The following TNC variants were observed in gnomAD, a reference collection of about 807,000 sequenced individuals.
TNC encodes tenascin C, also known as tenascin.
A neutral mutation model predicts 202.4 loss-of-function variants in TNC; 109 were observed. The ratio of observed to expected loss-of-function variants is 0.54; its 90% CI spans 0.46 to 0.63. The LOEUF is 0.63. TNC is among the 30% of genes least tolerant of loss of function. TNC has a pLI of 0.00. For synonymous variants in TNC, 1,007 were observed against 1,089.7 expected (o/e 0.92, Z 1.50); for missense variants, 2,756 against 2,833.3 (o/e 0.97, Z 0.62).
At chr9:115,091,260 C>T (rs1383551248) in intron 1 of TNC, 106 bp from the exon 2 acceptor site, 4 of 505,818 alleles carry the variant, frequency 7.9e-6, no homozygotes, top group Non-Finnish European at 1.4e-5. Flanking sequence ...ATTTGAAGCT[C>T]TCCTGATAAT....
In TNC at chr9:115,019,789, C is replaced by T. The variant is rs1171938898; in HGVS notation, c.*1368G>A. ...GAAATGAGAAGTATGAGTGTCCCTA[C>T]TTTACAGAAGAGGAAACTGAGGCAT... On this transcript the variant is annotated 3_prime_UTR_variant, in exon 28 of 28. Transcript: ENST00000350763. 6.6e-6 allele frequency: 1 copy of T among 152,202 alleles called. No individual in the cohort carries two copies. Among genetic ancestry groups the T allele is most frequent in the African/African-American group, 2.4e-5 (1 of 41,434 alleles). The allele number at this position is 152,202 out of a possible 1,614,324, so 9.4% of individuals were successfully genotyped here.
Position 115,059,739 on chromosome 9 carries a change from C to G in TNC, c.4297G>C (p.Ala1433Pro). The G allele has an allele frequency of 3.7e-6, 6 of 1,600,262 alleles. No homozygotes were observed. The highest frequency in any genetic ancestry group is 4.3e-6 in the Non-Finnish European group (5 of 1,171,440). ...CAGGGAGAGGAAGTACCTGTGGAGG[C>G]CTCAGCAGAGAGTACTGGTGTTCTA... is the stretch of plus-strand genomic sequence containing the variant. ...GYRTPVLSAE[A>P]STAKEPEIGN... is the part of the protein sequence containing the mutation. Residue 1433 changes from alanine to proline, a missense_variant, in exon 14 of 28, where the codon GCC (alanine) becomes CCC (proline). Physicochemically the swap from Ala to Pro is conservative, Grantham distance 27. Coordinates refer to ENST00000350763, the MANE Select transcript of TNC (RefSeq NM_002160.4).
Position 115,086,837 on chromosome 9 carries a change from C to A in TNC, c.894G>T (p.Glu298Asp), listed in dbSNP as rs1271970944. The A allele has an allele frequency of 6.2e-7, 1 of 1,614,092 alleles. No individual in the cohort carries two copies. The highest frequency in any genetic ancestry group is 1.3e-5 in the African/African-American group (1 of 74,934). Residue 298 changes from glutamate (E) to aspartate (D), a missense_variant, in exon 3 of 28, where the codon GAG becomes GAT. By Grantham distance (45) the Glu-to-Asp change is conservative (BLOSUM62 2). This residue lies in a region of TNC where 2,559 missense variants were observed against 2,546.0 expected (regional missense o/e 1.01). Coordinates refer to ENST00000350763, the MANE Select transcript of TNC (RefSeq NM_002160.4). ...CCGTGAAACCCTCATCACACACGCA[C>A]TCATTCTCCACGCATCGTCCACGGT... The part of the protein sequence containing the change: ...CYNRGRCVEN[E>D]CVCDEGFTGE...
At chr9:115,115,200 G>C (rs1318097950) in intron 1 of TNC, 1 of 152,278 alleles carries the variant, frequency 6.6e-6, no homozygotes, top group East Asian at 1.9e-4. Flanking sequence ...CTGTCAGCTT[G>C]AATTCTCTTT....
intron 10 of TNC, among the ~76,000 whole-genome samples, chr9:115,066,331 C>T (rs1487582425): frequency 1.3e-5 from 2 of 152,194 alleles, no homozygotes; most frequent in Non-Finnish European, 2.9e-5. Context: ...ATCCTGTAAA[C>T]TAGAGAGTAG....
intron 13 of TNC, among the ~76,000 whole-genome samples, chr9:115,061,867 T>C (rs1188456671): frequency 6.6e-6 from 1 of 152,232 alleles, no homozygotes; most frequent in East Asian, 1.9e-4. Flanking sequence ...GGAATTGTTT[T>C]TCCTTCCCAA....
At position 115,086,235 on chromosome 9, in the gene TNC, C is replaced by A. The variant is rs748790119; in HGVS notation, c.1496G>T (p.Arg499Leu). 5.6e-6 allele frequency: 9 copies of A among 1,614,054 alleles called. No homozygotes were observed. Among genetic ancestry groups the A allele is most frequent in the African/African-American group, 4.0e-5 (3 of 74,942 alleles). Residue 499 changes from arginine (R) to leucine (L), a missense_variant, in exon 3 of 28, where the codon CGC (arginine) becomes CTC (leucine). Transcript: ENST00000350763. ...DGYTGEDCRD[R>L]QCPRDCSNRG... ...GTTGCTGCAGTCCCTGGGGCATTGG[C>A]GATCCCGGCAGTCTTCCCCTGTGTA...
intron 5 of TNC, 110 bp downstream of exon 5, chr9:115,082,582 G>A: frequency 5.7e-6 from 4 of 703,092 alleles, no homozygotes; most frequent in Non-Finnish European, 9.8e-6. Context: ...TGAGAGCCTT[G>A]TCCTCCACCA....
chr9:115,075,103 C>A (rs1275790293), intron 9 of TNC, among the ~76,000 whole-genome samples: 3 of 152,106 alleles, frequency 2.0e-5, no homozygotes, highest in Non-Finnish European at 2.9e-5. Flanking sequence ...TACACACTAG[C>A]CTCCTTCTTC....
At chr9:115,093,368 T>C (rs1300923477) in intron 1 of TNC, among the ~76,000 whole-genome samples, 1 of 152,216 alleles carries the variant, frequency 6.6e-6, no homozygotes, top group African/African-American at 2.4e-5. Context: ...AACCCTCTTT[T>C]GAGCATGCTT....
Position 115,073,593 on chromosome 9 carries a change from G to A in TNC, c.3214+10C>T. 6.2e-7 allele frequency: 1 copy of A among 1,610,006 alleles called. No homozygotes were observed. On this transcript the variant is annotated intron_variant, in intron 10 of 27. Coordinates refer to ENST00000350763, the MANE Select transcript of TNC (RefSeq NM_002160.4). ...ACCTAGAGTTTGGAGGAAGCTCAGG[G>A]CAGACTCACCAGTGGATGCCTTCAC...
chr9:115,045,795 A>G, intron 17 of TNC, among the ~76,000 whole-genome samples: 1 of 152,046 alleles, frequency 6.6e-6, no homozygotes, highest in East Asian at 1.9e-4. Context: ...TGTTATGAGT[A>G]TCAAAGTTAG....
At chr9:115,041,309 C>CGGGG (rs958971198) in intron 18 of TNC, among the ~76,000 whole-genome samples, 1 of 132,302 alleles carries the variant, frequency 7.6e-6, no homozygotes, top group Non-Finnish European at 1.6e-5. Flanking sequence ...CCAGGAGGGG[C>CGGGG]GGGGGAAAAC....
At chr9:115,092,643 G>A (rs925400947) in intron 1 of TNC, among the ~76,000 whole-genome samples, 2 of 151,972 alleles carry the variant, frequency 1.3e-5, no homozygotes, top group Non-Finnish European at 2.9e-5. Context: ...GCATGATCTT[G>A]ACTCTCTGCA....
intron 1 of TNC, among the ~76,000 whole-genome samples, chr9:115,110,069 CAT>C (rs1836923336): frequency 6.6e-6 from 1 of 152,066 alleles, no homozygotes; most frequent in Admixed American, 6.5e-5. Context: ...AAAAAAGAAA[CAT>C]AGGTAGAATG....
At chr9:115,052,258 A>G (rs1379113664) in intron 15 of TNC, among the ~76,000 whole-genome samples, 1 of 151,992 alleles carries the variant, frequency 6.6e-6, no homozygotes, top group African/African-American at 2.4e-5. Context: ...AGAAAGCTGA[A>G]CACATAGAAG....
intron 10 of TNC, among the ~76,000 whole-genome samples, chr9:115,068,985 C>T (rs1447814629): frequency 6.6e-6 from 1 of 152,220 alleles, no homozygotes; most frequent in Non-Finnish European, 1.5e-5. Flanking sequence ...TTTTGGTTCT[C>T]TCTCTTATAG....
At position 115,087,213 on chromosome 9, in the gene TNC, C is replaced by T; in HGVS notation, c.518G>A (p.Gly173Asp). ...TTTCCAGCCAGGTTCGCAGACACAGCCACATCCTTCAGTGCTGAAGTTGCC... is the reference window on the plus strand; with the variant it reads ...TTTCCAGCCAGGTTCGCAGACACAGTCACATCCTTCAGTGCTGAAGTTGCC... ...GRGNFSTEGCGCVCEPGWKGP... is the reference protein window; with the variant it reads ...GRGNFSTEGCDCVCEPGWKGP... The change falls in exon 3 of 28, where the codon GGC (glycine) becomes GAC (aspartate). Residue 173 changes from glycine to aspartate, a missense_variant. Gly to Asp is a moderately conservative substitution (Grantham distance 94, BLOSUM62 -1). This residue lies in a region of TNC where 2,559 missense variants were observed against 2,546.0 expected (regional missense o/e 1.01). Coordinates refer to ENST00000350763, the MANE Select transcript of TNC (RefSeq NM_002160.4). The T allele has an allele frequency of 6.2e-7, 1 of 1,614,246 alleles. No homozygotes were observed.
chr9:115,073,621 G>C lies in TNC; in HGVS notation c.3196C>G (p.Arg1066Gly). 1 of 1,613,994 alleles carries C rather than the reference G, an allele frequency of 6.2e-7. No individual in the cohort carries two copies. The highest frequency in any genetic ancestry group is 8.5e-7 in the Non-Finnish European group (1 of 1,179,936). ...GACTCACCAGTGGATGCCTTCACACGTGCGGGCTTGCTCTTGTGTCTGCCT... is the reference window on the plus strand; with the variant it reads ...GACTCACCAGTGGATGCCTTCACACCTGCGGGCTTGCTCTTGTGTCTGCCT... ...EKGRHKSKPA[R>G]VKASTEQAPE... The change falls in exon 10 of 28, where the codon CGT becomes GGT. Residue 1066 changes from arginine (R) to glycine (G), a missense_variant. This residue lies in a region of TNC where 2,559 missense variants were observed against 2,546.0 expected (regional missense o/e 1.01). Coordinates refer to ENST00000350763, the MANE Select transcript of TNC (RefSeq NM_002160.4).
Sources: gnomAD v4.1 joint callset for allele counts (sites outside exome capture counted in the v4.1 genomes callset) on GRCh38, gnomAD v4.1.1 for gene constraint, gnomAD v4.1.1 regional missense constraint, MANE v1.5 for transcripts, NCBI Gene and HGNC (gene_info 2026-07-23, HGNC 2026-07-21) for gene names.